The following ZNF723 variants were observed in gnomAD, a reference collection of about 807,000 sequenced individuals.
The protein encoded by ZNF723 is zinc finger protein 723, pseudogene.
In ZNF723, 5 loss-of-function variants were observed where a neutral mutation model predicts 9.4. That is an observed-to-expected ratio of 0.53 (90% CI 0.28 to 1.12). The LOEUF (loss-of-function observed/expected upper bound fraction) is 1.12, where lower values mean the gene tolerates loss of function less well. Among genes scored for constraint, ZNF723 ranks in the 50% most tolerant of loss-of-function variants. The pLI, the probability that ZNF723 is intolerant of heterozygous loss-of-function variation, is 0.10. For missense variants in ZNF723, 450 were observed against 501.5 expected, an observed-to-expected ratio of 0.90 and a Z score of 0.98; for synonymous variants, 158 against 168.8, an observed-to-expected ratio of 0.94 and a Z score of 0.49.
intron 1 of ZNF723, among the ~76,000 whole-genome samples, chr19:22,844,151 A>T (rs1190548955): frequency 1.3e-5 from 2 of 152,154 alleles, no homozygotes; most frequent in African/African-American, 4.8e-5. Context: ...CCCAAAGGAG[A>T]TAAAGGGAAA....
chr19:22,852,327 A>C (rs781053047), intron 3 of ZNF723, among the ~76,000 whole-genome samples: 11 of 152,150 alleles, frequency 7.2e-5, no homozygotes, highest in East Asian at 1.9e-4. Flanking sequence ...TTGATGTTTT[A>C]GTTTATATTA....
the ZNF723 span, among the ~76,000 whole-genome samples, chr19:22,812,954 T>TGTTTGTTTG: frequency 4.6e-5 from 7 of 151,304 alleles, no homozygotes; most frequent in African/African-American, 1.5e-4. Context: ...AAGGTGTTTT[T>TGTTTGTTTG]TTTGTTTGTT....
upstream of ZNF723, among the ~76,000 whole-genome samples, chr19:22,829,581 G>C (rs1042596417): frequency 6.6e-6 from 1 of 152,030 alleles, no homozygotes; most frequent in Non-Finnish European, 1.5e-5. Context: ...AACCACGCCC[G>C]GCCAATAAGT....
the ZNF723 span, among the ~76,000 whole-genome samples, chr19:22,815,904 T>A: frequency 6.6e-6 from 1 of 152,220 alleles, no homozygotes; most frequent in Non-Finnish European, 1.5e-5. Context: ...ACAGAGCCCA[T>A]TGGAGAGGTC....
the ZNF723 span, among the ~76,000 whole-genome samples, chr19:22,821,595 G>A: frequency 2.3e-3 from 355 of 152,226 alleles, no homozygotes; most frequent in African/African-American, 6.9e-3. Flanking sequence ...GGACATTGAC[G>A]TATTTTTGGT....
chr19:22,822,178 C>T, the ZNF723 span, among the ~76,000 whole-genome samples: 1 of 152,194 alleles, frequency 6.6e-6, no homozygotes, highest in African/African-American at 2.4e-5. Flanking sequence ...GGGTCTACCA[C>T]ACAGGTAAGA....
chr19:22,845,698 T>G (rs1967298625), intron 1 of ZNF723, among the ~76,000 whole-genome samples: 1 of 152,116 alleles, frequency 6.6e-6, no homozygotes, highest in African/African-American at 2.4e-5. Context: ...ATTTTTCATG[T>G]TATAAAGGAC....
chr19:22,857,871 A>T lies in ZNF723; in HGVS notation c.980A>T (p.His327Leu). Residue 327 changes from histidine to leucine, a missense_variant, in exon 4 of 4, where the codon CAC (histidine) becomes CTC (leucine). By Grantham distance (99) the His-to-Leu change is moderately conservative. Around this residue, in one of 5 missense-constraint regions of ZNF723, gnomAD observed 237 missense variants for 332.2 expected, o/e 0.71. Transcript: ENST00000600766. ...ECGKAFNQPS[H>L]LATHKRIHTG... is the part of the protein sequence containing the mutation. ...GGCAAAGCCTTTAACCAGCCCTCAC[A>T]CCTTGCTACACATAAGAGAATTCAT... 1.4e-6 allele frequency: 2 copies of T among 1,406,110 alleles called. No homozygotes were observed. The highest frequency in any genetic ancestry group is 1.2e-5 in the South Asian group (1 of 86,582). The allele number at this position is 1,406,110 out of a possible 1,614,324, so 87.1% of individuals were successfully genotyped here.
At chr19:22,822,729 G>T in the ZNF723 span, among the ~76,000 whole-genome samples, 2 of 152,134 alleles carry the variant, frequency 1.3e-5, no homozygotes, top group Non-Finnish European at 1.5e-5. Context: ...GGGTGTGGTG[G>T]TGGGTGCCTG....
the ZNF723 span, among the ~76,000 whole-genome samples, chr19:22,813,883 C>G: frequency 1.3e-5 from 2 of 150,890 alleles, no homozygotes; most frequent in African/African-American, 4.9e-5. Context: ...TTGATCTTGG[C>G]TCACCACAAC....
intron 1 of ZNF723, among the ~76,000 whole-genome samples, chr19:22,833,926 CTTTTTTTTTTT>C (rs34792208): frequency 1.1e-5 from 1 of 89,316 alleles, no homozygotes; most frequent in African/African-American, 4.4e-5. Context: ...TTTTAGCGTA[CTTTTTTTTTTT>C]TTTTTTTTTT....
chr19:22,858,031 A>T lies in ZNF723; in HGVS notation c.1140A>T (p.Val380=). The change falls in exon 4 of 4, where the codon GTA becomes GTT. Residue 380 remains valine (V), a synonymous_variant. Coordinates refer to ENST00000600766, the MANE Select transcript of ZNF723 (RefSeq NM_001349726.2). ...KCEECGKAFK[V]SVHLTTHKRI... ...AAGAATGTGGCAAAGCTTTTAAAGT[A>T]TCTGTACACCTTACTACACATAAGA... is the stretch of plus-strand genomic sequence containing the variant. 1 of 1,524,358 alleles carries T rather than the reference A, an allele frequency of 6.6e-7. No homozygotes were observed. The highest frequency in any genetic ancestry group is 1.4e-5 in the African/African-American group (1 of 72,404). The allele number at this position is 1,524,358 out of a possible 1,614,324, so 94.4% of individuals were successfully genotyped here. A position where few individuals can be genotyped will look rare whatever the true frequency, so the allele number is the denominator to read the frequency against.
rs1397483598 is a variant in ZNF723, at chr19:22,845,431, G to T, written c.4-2830G>T. 5.3e-5 allele frequency among the ~76,000 whole-genome samples: 8 copies of T among 152,136 alleles called. 1 individual carries two copies. The highest frequency in any genetic ancestry group is 1.2e-4 in the Non-Finnish European group (8 of 68,030). ...CACATCCATGTTGTTTTAATTAAGA[G>T]CCTCATGTGATTCTAAGGTGAGGCC... On this transcript the variant is annotated intron_variant, in intron 1 of 3. Coordinates refer to ENST00000600766, the MANE Select transcript of ZNF723 (RefSeq NM_001349726.2).
the ZNF723 span, among the ~76,000 whole-genome samples, chr19:22,822,747 A>G: frequency 3.9e-5 from 6 of 152,196 alleles, no homozygotes; most frequent in African/African-American, 1.4e-4. Context: ...CTGTAGTCCC[A>G]GCTACTCAGG....
chr19:22,856,775 CTTGTCTTTT>C (rs1967485814), intron 3 of ZNF723, among the ~76,000 whole-genome samples: 2 of 152,182 alleles, frequency 1.3e-5, no homozygotes, highest in Admixed American at 1.3e-4. Flanking sequence ...CAGTATTTTA[CTTGTCTTTT>C]AAAAAAGAAT....
At chr19:22,846,039 T>C (rs1254879089) in intron 1 of ZNF723, among the ~76,000 whole-genome samples, 3 of 152,110 alleles carry the variant, frequency 2.0e-5, no homozygotes, top group Non-Finnish European at 2.9e-5. Context: ...CTTTTGAAAA[T>C]TTTATTGATA....
At chr19:22,826,879 G>T in the ZNF723 span, among the ~76,000 whole-genome samples, 233 of 152,318 alleles carry the variant, frequency 1.5e-3, no homozygotes, top group African/African-American at 5.2e-3. Flanking sequence ...AAGATGAAGG[G>T]CTAATGTGAG....
At chr19:22,851,543 TTTTA>T (rs540734881) in intron 3 of ZNF723, among the ~76,000 whole-genome samples, 32 of 152,110 alleles carry the variant, frequency 2.1e-4, no homozygotes, top group South Asian at 2.1e-4. Flanking sequence ...TAGGATTTCT[TTTTA>T]TTTATGTGCA....
chr19:22,825,989 T>C, the ZNF723 span, among the ~76,000 whole-genome samples: 2 of 152,228 alleles, frequency 1.3e-5, no homozygotes, highest in Admixed American at 6.5e-5. Context: ...GCCTTAGCCT[T>C]GCTCACAGGG....
Sources: gnomAD v4.1 joint callset for allele counts (sites outside exome capture counted in the v4.1 genomes callset) on GRCh38, gnomAD v4.1.1 for gene constraint, gnomAD v4.1.1 regional missense constraint, MANE v1.5 for transcripts, NCBI Gene and HGNC (gene_info 2026-07-23, HGNC 2026-07-21) for gene names.